The following PLS3 variants were observed in gnomAD, a reference collection of about 807,000 sequenced individuals.
PLS3 encodes the protein plastin 3, also known as plastin-3.
A neutral mutation model predicts 46.5 loss-of-function variants in PLS3; 11 were observed. The ratio of observed to expected loss-of-function variants is 0.24; its 90% CI spans 0.15 to 0.39. PLS3 has a LOEUF of 0.39. PLS3 is among the 10% of genes least tolerant of loss of function. The pLI, the probability that PLS3 is intolerant of heterozygous loss-of-function variation, is 1.00. For synonymous variants in PLS3, 167 were observed against 162.2 expected (o/e 1.03, Z -0.22); for missense variants, 308 against 461.8 (o/e 0.67, Z 3.05).
chrX:115,632,396 G>A (rs1272353048), intron 5 of PLS3, among the ~76,000 whole-genome samples: 1 of 110,610 alleles, frequency 9.0e-6, no homozygotes, highest in Non-Finnish European at 1.9e-5. Flanking sequence ...GGAGTTCGAG[G>A]CTGCAGTGAT....
chrX:115,636,852 C>T lies in PLS3; in HGVS notation c.765C>T (p.Leu255=), dbSNP rs1015224479. 2 of 1,198,083 alleles carry T rather than the reference C, an allele frequency of 1.7e-6. No homozygotes were observed. Among genetic ancestry groups the T allele is most frequent in the African/African-American group, 3.5e-5 (2 of 56,667 alleles). ...TTCTTCTAGCCTTGGCTGCTTTACT[C>T]CGAGATGGTGAGACTTTGGAGGAAC... The part of the protein sequence containing the change: ...LSRNEALAAL[L]RDGETLEELM... The change falls in exon 8 of 16, where the codon CTC becomes CTT. Residue 255 remains leucine, a synonymous_variant. Transcript: ENST00000355899.
intron 1 of PLS3, among the ~76,000 whole-genome samples, chrX:115,574,725 A>G (rs185299764): frequency 0.013 from 1,496 of 111,139 alleles, 8 homozygotes; most frequent in Non-Finnish European, 0.021. Context: ...GATTACAGGC[A>G]TGTGCCACCA....
intron 1 of PLS3, among the ~76,000 whole-genome samples, chrX:115,594,467 A>G (rs2074367912): frequency 8.9e-6 from 1 of 112,080 alleles, no homozygotes; most frequent in South Asian, 3.7e-4. Context: ...CTAACATATA[A>G]GCAAGGTATA....
At chrX:115,583,884 G>A (rs1172624366) in intron 1 of PLS3, among the ~76,000 whole-genome samples, 2 of 111,211 alleles carry the variant, frequency 1.8e-5, no homozygotes, top group Non-Finnish European at 3.8e-5. Context: ...GGGGGAGGGT[G>A]TGTGTGGCAA....
chrX:115,631,692 C>G (rs781869502), intron 5 of PLS3, among the ~76,000 whole-genome samples: 4 of 111,516 alleles, frequency 3.6e-5, no homozygotes, highest in African/African-American at 1.3e-4. Context: ...AGGATTTGCA[C>G]CACTGAACTC....
At chrX:115,596,929 G>A (rs782189329) in intron 1 of PLS3, among the ~76,000 whole-genome samples, 1 of 109,602 alleles carries the variant, frequency 9.1e-6, no homozygotes, top group Admixed American at 9.8e-5. Context: ...TGGGTCACCT[G>A]AGATCAGGAG....
At chrX:115,591,463 C>T (rs1017622539) in intron 1 of PLS3, among the ~76,000 whole-genome samples, 15 of 111,644 alleles carry the variant, frequency 1.3e-4, no homozygotes, top group Non-Finnish European at 2.4e-4. Flanking sequence ...AGAAAGCTGT[C>T]TTCTAAAATG....
intron 7 of PLS3, among the ~76,000 whole-genome samples, chrX:115,636,008 G>A (rs372060293): frequency 6.4e-5 from 7 of 110,236 alleles, no homozygotes; most frequent in South Asian, 3.9e-4. Flanking sequence ...TCAATAGTGC[G>A]AGACTCTCTC....
At chrX:115,563,460 G>A (rs781863414) in intron 1 of PLS3, among the ~76,000 whole-genome samples, 5 of 111,060 alleles carry the variant, frequency 4.5e-5, no homozygotes, top group Non-Finnish European at 9.4e-5. Flanking sequence ...CTGGGAAAAC[G>A]TGGCAATTTG....
chrX:115,649,612 G>A lies in PLS3; in HGVS notation c.*51G>A, dbSNP rs376407795. 58 of 1,124,796 alleles carry A rather than the reference G, an allele frequency of 5.2e-5. No homozygotes were observed. The highest frequency in any genetic ancestry group is 2.5e-4 in the Middle Eastern group (1 of 4,010). 92.7% of individuals were successfully genotyped at this position (1,124,796 alleles called of 1,213,427 possible). ...ATGCTCCCAGGTGCATGATTCGCAG[G>A]TCAGCTATTTCCAGGTGAAGTGCTT... On this transcript the variant is annotated 3_prime_UTR_variant, in exon 16 of 16. Coordinates refer to ENST00000355899, the MANE Select transcript of PLS3 (RefSeq NM_005032.7).
intron 3 of PLS3, among the ~76,000 whole-genome samples, chrX:115,623,907 C>CT (rs1270154408): frequency 8.9e-6 from 1 of 112,228 alleles, no homozygotes; most frequent in African/African-American, 3.2e-5. Flanking sequence ...GCCTACTCAG[C>CT]TGACAGCATT....
chrX:115,640,160 T>C, intron 8 of PLS3: 2 of 1,027,278 alleles, frequency 1.9e-6, no homozygotes, highest in Non-Finnish European at 2.6e-6. Context: ...TATATGTTTA[T>C]TAGCATTATT....
chrX:115,618,473 C>T (rs1198357606), intron 2 of PLS3, among the ~76,000 whole-genome samples: 1 of 111,479 alleles, frequency 9.0e-6, no homozygotes, highest in African/African-American at 3.3e-5. Flanking sequence ...GTAGTCTCAG[C>T]TACTCAGGAG....
At chrX:115,598,174 C>T (rs181499919) in intron 1 of PLS3, among the ~76,000 whole-genome samples, 1 of 109,126 alleles carries the variant, frequency 9.2e-6, no homozygotes, top group African/African-American at 3.3e-5. Flanking sequence ...ATATTGCGTG[C>T]CTGTAATCCC....
Position 115,646,519 on chromosome X carries a change from T to C in PLS3, c.1495T>C (p.Trp499Arg). Reference sequence around the variant, plus strand: ...CCAAACCCTGACTTTAGCTTTAGTCTGGCAGCTGATGAGAAGGTATAGTAC... The same window carrying C: ...CCAAACCCTGACTTTAGCTTTAGTCCGGCAGCTGATGAGAAGGTATAGTAC... ...GNQTLTLALV[W>R]QLMRRYTLNV... Residue 499 changes from tryptophan (W) to arginine (R), a missense_variant, in exon 13 of 16, where the codon TGG becomes CGG. Physicochemically the swap from Trp to Arg is moderately radical, Grantham distance 101 (BLOSUM62 -3). This residue lies in a region of PLS3 where 271 missense variants were observed against 435.7 expected (regional missense o/e 0.62). Coordinates refer to ENST00000355899, the MANE Select transcript of PLS3 (RefSeq NM_005032.7). 8.3e-7 allele frequency: 1 copy of C among 1,211,163 alleles called. No individual in the cohort carries two copies.
At chrX:115,648,132 G>A in intron 15 of PLS3, 115 bp downstream of exon 15, 1 of 518,251 alleles carries the variant, frequency 1.9e-6, no homozygotes, top group South Asian at 3.2e-5. Context: ...AAACCTCTTG[G>A]AGCCTCAGAT....
intron 1 of PLS3, among the ~76,000 whole-genome samples, chrX:115,569,579 C>T (rs782760795): frequency 1.3e-4 from 14 of 111,794 alleles, no homozygotes; most frequent in Non-Finnish European, 1.9e-4. Context: ...TTAATTTGTG[C>T]CTGGTTTCAG....
intron 1 of PLS3, among the ~76,000 whole-genome samples, chrX:115,598,974 A>G: frequency 9.0e-6 from 1 of 111,723 alleles, no homozygotes; most frequent in Middle Eastern, 4.6e-3. Flanking sequence ...AGTTTTGGTT[A>G]TTTTAGTTCA....
intron 9 of PLS3, among the ~76,000 whole-genome samples, chrX:115,641,658 CT>C (rs782029192): frequency 3.6e-5 from 4 of 111,442 alleles, no homozygotes; most frequent in Non-Finnish European, 7.5e-5. Flanking sequence ...GAGGGGCCAT[CT>C]TGTCCAAGAA....
Sources: gnomAD v4.1 joint callset for allele counts (sites outside exome capture counted in the v4.1 genomes callset) on GRCh38, gnomAD v4.1.1 for gene constraint, gnomAD v4.1.1 regional missense constraint, MANE v1.5 for transcripts, NCBI Gene and HGNC (gene_info 2026-07-23, HGNC 2026-07-21) for gene names.